The following GABRB2 variants were observed in gnomAD, a reference collection of about 807,000 sequenced individuals.
The protein encoded by GABRB2 is gamma-aminobutyric acid receptor subunit beta-2.
GABRB2 carries 16 observed loss-of-function variants against 54.7 expected under a neutral mutation model. The ratio of observed to expected loss-of-function variants is 0.29; its 90% CI spans 0.20 to 0.44. The LOEUF (loss-of-function observed/expected upper bound fraction) is 0.44. GABRB2 is among the 20% of genes least tolerant of loss of function. GABRB2 has a pLI of 1.00. For synonymous variants in GABRB2, 244 were observed against 233.8 expected, an observed-to-expected ratio of 1.04 and a Z score of -0.40; for missense variants, 355 against 644.0, an observed-to-expected ratio of 0.55 and a Z score of 4.86.
intron 3 of GABRB2, among the ~76,000 whole-genome samples, chr5:161,483,826 GA>G: frequency 6.6e-6 from 1 of 151,872 alleles, no homozygotes; most frequent in African/African-American, 2.4e-5. Context: ...CCCCTTTAAT[GA>G]AAAAAGTCTT....
intron 3 of GABRB2, among the ~76,000 whole-genome samples, chr5:161,535,297 G>A (rs1045678711): frequency 1.3e-5 from 2 of 151,946 alleles, no homozygotes; most frequent in African/African-American, 4.8e-5. Context: ...ATAATGCACT[G>A]TGTATTACAT....
intron 5 of GABRB2, among the ~76,000 whole-genome samples, chr5:161,365,711 C>A (rs1754952515): frequency 6.6e-6 from 1 of 152,088 alleles, no homozygotes; most frequent in Non-Finnish European, 1.5e-5. Context: ...AGCAGCAGAG[C>A]CATGATTCTT....
rs59814964 is a variant in GABRB2 at position 161,393,054 on chromosome 5, G to A, written c.541+17921C>T. 0.01 allele frequency among the ~76,000 whole-genome samples: 1,545 copies of A among 151,678 alleles called. 81 individuals carry two copies. The East Asian group carries it at 0.17, about 17-fold the overall frequency. ...ACTGCCAGAAGGACCAAATAAACAAGATTAAATTTCTTACACAGATCTTTT... is the reference window on the plus strand; with the variant it reads ...ACTGCCAGAAGGACCAAATAAACAAAATTAAATTTCTTACACAGATCTTTT... On this transcript the variant is annotated intron_variant, in intron 5 of 9. Transcript: ENST00000393959.
intron 9 of GABRB2, among the ~76,000 whole-genome samples, chr5:161,319,784 A>G (rs1758154458): frequency 6.6e-6 from 1 of 151,800 alleles, no homozygotes; most frequent in Non-Finnish European, 1.5e-5. Context: ...CATTGTTGAA[A>G]TCTTATGGGC....
chr5:161,468,489 A>C (rs1758342247), intron 3 of GABRB2, among the ~76,000 whole-genome samples: 1 of 152,032 alleles, frequency 6.6e-6, no homozygotes, highest in Non-Finnish European at 1.5e-5. Flanking sequence ...TCAGAGCTCA[A>C]CTCAAAGCTC....
chr5:161,445,354 T>C (rs1757587415), intron 4 of GABRB2, among the ~76,000 whole-genome samples: 1 of 152,054 alleles, frequency 6.6e-6, no homozygotes. Flanking sequence ...ATTTTCATTC[T>C]TTCTAACTGG....
intron 5 of GABRB2, among the ~76,000 whole-genome samples, chr5:161,374,929 C>T (rs1464770883): frequency 6.6e-6 from 1 of 152,144 alleles, no homozygotes; most frequent in African/African-American, 2.4e-5. Flanking sequence ...GCGTAGTAGA[C>T]ATCCAATAAA....
chr5:161,363,475 T>G (rs1261429462), intron 5 of GABRB2, among the ~76,000 whole-genome samples: 2 of 152,116 alleles, frequency 1.3e-5, no homozygotes, highest in East Asian at 3.9e-4. Context: ...TGTGTATACC[T>G]ATGTAACAAA....
chr5:161,401,278 T>C (rs1398354648), intron 5 of GABRB2, among the ~76,000 whole-genome samples: 1 of 152,234 alleles, frequency 6.6e-6, no homozygotes, highest in Non-Finnish European at 1.5e-5. Context: ...TGTTTCTTTC[T>C]GGTTTTTCCA....
At chr5:161,472,138 A>AAATGTTTGTTATTATTATT (rs1351352824) in intron 3 of GABRB2, among the ~76,000 whole-genome samples, 1 of 151,846 alleles carries the variant, frequency 6.6e-6, no homozygotes, top group African/African-American at 2.4e-5. Context: ...TTAAATCTAC[A>AAATGTTTGTTATTATTATT]AATGTTTGTT....
At chr5:161,542,793 G>A (rs1224993735) in intron 3 of GABRB2, among the ~76,000 whole-genome samples, 1 of 152,156 alleles carries the variant, frequency 6.6e-6, no homozygotes, top group Non-Finnish European at 1.5e-5. Flanking sequence ...TTTCATTTAA[G>A]TAACCAATCA....
chr5:161,355,191 A>G (rs1163340990), intron 5 of GABRB2, among the ~76,000 whole-genome samples: 1 of 151,574 alleles, frequency 6.6e-6, no homozygotes, highest in Non-Finnish European at 1.5e-5. Context: ...AATATTCTCT[A>G]CTAATTAATT....
intron 5 of GABRB2, among the ~76,000 whole-genome samples, chr5:161,406,891 T>A (rs1756363489): frequency 6.6e-6 from 1 of 152,114 alleles, no homozygotes; most frequent in Non-Finnish European, 1.5e-5. Context: ...TAAAGTTTTA[T>A]GTCTTCTAGT....
At chr5:161,496,243 T>C (rs1759242940) in intron 3 of GABRB2, among the ~76,000 whole-genome samples, 1 of 152,178 alleles carries the variant, frequency 6.6e-6, no homozygotes, top group South Asian at 2.1e-4. Flanking sequence ...GATGTGATCA[T>C]AATACCTCCT....
intron 5 of GABRB2, among the ~76,000 whole-genome samples, chr5:161,385,947 GGTGT>G (rs70990781): frequency 0.13 from 12,317 of 92,686 alleles, 577 homozygotes; most frequent in East Asian, 0.24. Context: ...CCTATTGTCT[GGTGT>G]GTGTGTGTGT....
At chr5:161,497,252 A>T (rs372973758) in intron 3 of GABRB2, among the ~76,000 whole-genome samples, 11 of 152,106 alleles carry the variant, frequency 7.2e-5, no homozygotes, top group African/African-American at 2.7e-4. Flanking sequence ...TCCCTTAGAA[A>T]CAGTTCTCTT....
chr5:161,370,464 C>T (rs1469598903), intron 5 of GABRB2, among the ~76,000 whole-genome samples: 10 of 152,204 alleles, frequency 6.6e-5, no homozygotes, highest in Non-Finnish European at 1.3e-4. Context: ...ACAGATCTAC[C>T]GCCTCCATTT....
chr5:161,493,755 T>C (rs558283506), intron 3 of GABRB2, among the ~76,000 whole-genome samples: 1 of 151,904 alleles, frequency 6.6e-6, no homozygotes, highest in East Asian at 1.9e-4. Context: ...GGATTGTTGC[T>C]GGTACAGAGG....
chr5:161,547,468 T>C (rs1226717924), upstream of GABRB2, among the ~76,000 whole-genome samples: 1 of 151,940 alleles, frequency 6.6e-6, no homozygotes, highest in Non-Finnish European at 1.5e-5. Context: ...TTCTTTCTCC[T>C]CTCCTCACCC....
Sources: gnomAD v4.1 joint callset for allele counts (sites outside exome capture counted in the v4.1 genomes callset) on GRCh38, gnomAD v4.1.1 for gene constraint, MANE v1.5 for transcripts, NCBI Gene and HGNC (gene_info 2026-07-23, HGNC 2026-07-21) for gene names.